IQUB: variants seen among roughly 807,000 people sequenced by gnomAD.
IQUB encodes IQ motif and ubiquitin domain containing, also known as IQ motif and ubiquitin-like domain-containing protein.
Under a neutral mutation model 86.4 loss-of-function variants are expected in IQUB, and 86 were observed. The observed-to-expected ratio is 1.00, with a 90% CI of 0.84 to 1.19. The LOEUF is 1.19. Ranked by LOEUF, IQUB falls within the 50% of genes most tolerant of loss-of-function variation. IQUB has a pLI of 0.00. For missense variants in IQUB, 946 were observed against 916.9 expected (o/e 1.03, Z -0.41); for synonymous variants, 289 against 304.5 (o/e 0.95, Z 0.53).
At chr7:123,464,776 T>C (rs1794167620) in intron 10 of IQUB, 57 bp downstream of exon 10, 1 of 1,215,636 alleles carries the variant, frequency 8.2e-7, no homozygotes, top group Non-Finnish European at 1.1e-6. Flanking sequence ...ATACTTCAAT[T>C]TACTATACCA....
At chr7:123,480,397 G>C (rs952314448) in intron 7 of IQUB, among the ~76,000 whole-genome samples, 1 of 152,100 alleles carries the variant, frequency 6.6e-6, no homozygotes, top group Non-Finnish European at 1.5e-5. Flanking sequence ...GTCACACTCT[G>C]CCTACAAAGC....
intron 7 of IQUB, among the ~76,000 whole-genome samples, chr7:123,495,426 A>G (rs574932175): frequency 6.6e-6 from 1 of 152,224 alleles, no homozygotes; most frequent in South Asian, 2.1e-4. Context: ...AATGTAGCCA[A>G]TTAGAAAGGA....
At chr7:123,465,232 T>TA (rs949569830) in intron 9 of IQUB, among the ~76,000 whole-genome samples, 9 of 151,906 alleles carry the variant, frequency 5.9e-5, no homozygotes, top group African/African-American at 2.2e-4. Context: ...TCTTACAAAT[T>TA]AATTTTAAGC....
rs369238713 is a variant in IQUB at position 123,475,237 on chromosome 7, A to C, written c.1410+4558T>G. Among the ~76,000 whole-genome samples, 248 of 152,200 alleles carry C rather than the reference A, an allele frequency of 1.6e-3. 3 individuals carry two copies. The South Asian group carries it at 0.047, about 29-fold the overall frequency. ...CCTGGAACAGAACAATTCTTTCTGT[A>C]CTCAGGATCCTTCAGAGTCTCAAAT... On this transcript the variant is annotated intron_variant, in intron 8 of 12. Transcript: ENST00000324698.
At chr7:123,484,988 G>A (rs1326267003) in intron 7 of IQUB, among the ~76,000 whole-genome samples, 2 of 152,044 alleles carry the variant, frequency 1.3e-5, no homozygotes, top group Non-Finnish European at 2.9e-5. Context: ...CTAATCTGAT[G>A]GTTTCTAGAA....
intron 7 of IQUB, among the ~76,000 whole-genome samples, chr7:123,496,157 A>T (rs1795698791): frequency 6.6e-6 from 1 of 152,132 alleles, no homozygotes; most frequent in African/African-American, 2.4e-5. Flanking sequence ...GGCTTGTTCA[A>T]ATAACTGAAA....
At position 123,452,884 on chromosome 7, in the gene IQUB, A is replaced by ATGTT. The variant is rs771828889; in HGVS notation, c.2231_2234dup (p.His745GlnfsTer6). 3.1e-6 allele frequency: 5 copies of ATGTT among 1,613,354 alleles called. No individual in the cohort carries two copies. Among genetic ancestry groups the ATGTT allele is most frequent in the Admixed American group, 3.3e-5 (2 of 59,952 alleles). ...GAGAAAAATAGTTCTTAGCCAGGAT[A>ATGTT]TGTTTGTGTTTGATCTTGTGAATAA... On this transcript the variant is annotated frameshift_variant, in exon 13 of 13. Coordinates refer to ENST00000324698, the MANE Select transcript of IQUB (RefSeq NM_178827.5). LOFTEE classifies it low-confidence loss of function (END_TRUNC).
At chr7:123,493,892 G>A (rs1795600673) in intron 7 of IQUB, among the ~76,000 whole-genome samples, 1 of 150,316 alleles carries the variant, frequency 6.7e-6, no homozygotes, top group Admixed American at 6.6e-5. Context: ...AGGAGGGGTG[G>A]GAAGGACCAA....
intron 10 of IQUB, among the ~76,000 whole-genome samples, chr7:123,463,234 G>T (rs551245007): frequency 6.6e-6 from 1 of 151,756 alleles, no homozygotes; most frequent in Non-Finnish European, 1.5e-5. Context: ...ATGCTTGGTT[G>T]TCTCTTTTTA....
chr7:123,513,374 A>G (rs1796512818), intron 1 of IQUB, among the ~76,000 whole-genome samples: 1 of 152,212 alleles, frequency 6.6e-6, no homozygotes, highest in Non-Finnish European at 1.5e-5. Flanking sequence ...TGATGCAAAC[A>G]GATAAGATAC....
At chr7:123,527,379 A>T (rs543962947) in intron 1 of IQUB, among the ~76,000 whole-genome samples, 3 of 152,114 alleles carry the variant, frequency 2.0e-5, no homozygotes, top group Admixed American at 1.3e-4. Context: ...CCTCTGGAGG[A>T]GGAGAGGCAC....
intron 8 of IQUB, among the ~76,000 whole-genome samples, chr7:123,479,026 AGAT>A (rs1315834574): frequency 6.6e-6 from 1 of 152,166 alleles, no homozygotes; most frequent in African/African-American, 2.4e-5. Context: ...GGAGTGAAGA[AGAT>A]GAGAGGAGGG....
intron 1 of IQUB, among the ~76,000 whole-genome samples, chr7:123,531,686 A>T (rs535364675): frequency 3.9e-5 from 6 of 152,260 alleles, no homozygotes; most frequent in Non-Finnish European, 8.8e-5. Flanking sequence ...AATTAATGAT[A>T]AAAATGTATT....
At chr7:123,492,581 T>G (rs564678866) in intron 7 of IQUB, among the ~76,000 whole-genome samples, 1 of 152,276 alleles carries the variant, frequency 6.6e-6, no homozygotes, top group African/African-American at 2.4e-5. Flanking sequence ...TGAAAAGACA[T>G]GCCAAAGACT....
chr7:123,511,295 C>T (rs1002997209), intron 2 of IQUB, among the ~76,000 whole-genome samples: 39 of 152,126 alleles, frequency 2.6e-4, no homozygotes, highest in African/African-American at 9.2e-4. Flanking sequence ...AAGGAGCAGT[C>T]AGTTAACCAT....
intron 11 of IQUB, 138 bp downstream of exon 11, chr7:123,461,219 C>T: frequency 2.3e-6 from 2 of 860,504 alleles, no homozygotes; most frequent in Admixed American, 2.4e-5. Flanking sequence ...AAGCATACTC[C>T]TGCCCTCACA....
At chr7:123,513,074 A>T (rs1228262770) in intron 1 of IQUB, among the ~76,000 whole-genome samples, 1 of 152,180 alleles carries the variant, frequency 6.6e-6, no homozygotes, top group Non-Finnish European at 1.5e-5. Context: ...GGTAGCCCCC[A>T]GACCAGATTT....
intron 10 of IQUB, among the ~76,000 whole-genome samples, chr7:123,463,342 AATG>A (rs939182160): frequency 2.6e-4 from 39 of 151,754 alleles, no homozygotes; most frequent in African/African-American, 9.2e-4. Flanking sequence ...TAGTGCTTGT[AATG>A]ATTTTATTCA....
intron 1 of IQUB, among the ~76,000 whole-genome samples, chr7:123,530,208 A>G (rs1170606135): frequency 2.0e-5 from 3 of 151,782 alleles, no homozygotes; most frequent in Non-Finnish European, 4.4e-5. Flanking sequence ...CTCCATCTCA[A>G]CCGGTACAGT....
Sources: gnomAD v4.1 joint callset for allele counts (sites outside exome capture counted in the v4.1 genomes callset) on GRCh38, gnomAD v4.1.1 for gene constraint, MANE v1.5 for transcripts, NCBI Gene and HGNC (gene_info 2026-07-23, HGNC 2026-07-21) for gene names.